RNF10: variants seen among roughly 807,000 people sequenced by gnomAD.
RNF10 encodes E3 ubiquitin-protein ligase RNF10.
A neutral mutation model predicts 91.4 loss-of-function variants in RNF10; 38 were observed. The ratio of observed to expected loss-of-function variants is 0.42; its 90% CI spans 0.32 to 0.54. RNF10 has a LOEUF of 0.54. Ranked by LOEUF, RNF10 falls within the 20% of genes least tolerant of loss-of-function variation. The pLI is 0.16. For missense variants in RNF10, 945 were observed against 1,012.0 expected (o/e 0.93, Z 0.90); for synonymous variants, 364 against 366.3 (o/e 0.99, Z 0.07).
intron 10 of RNF10, among the ~76,000 whole-genome samples, chr12:120,564,757 TCTC>T (rs1328387728): frequency 6.6e-6 from 1 of 152,218 alleles, no homozygotes; most frequent in Non-Finnish European, 1.5e-5. Flanking sequence ...AACTTTATCT[TCTC>T]TGTTCGTCCC....
In RNF10 at chr12:120,575,806, G is replaced by T; in HGVS notation, c.2215G>T (p.Val739Phe). Residue 739 changes from valine to phenylalanine, a missense_variant, in exon 16 of 17, where the codon GTT (valine) becomes TTT (phenylalanine). Physicochemically the swap from Val to Phe is conservative, Grantham distance 50 (BLOSUM62 -1). Transcript: ENST00000325954. Reference protein sequence around the residue: ...TAPKKDENSLVPPAPVDSDGE... With the variant: ...TAPKKDENSLFPPAPVDSDGE... ...GTATTTTTTAGATGAGAACAGCTTA[G>T]TTCCTCCTGCCCCTGTGGACAGCGA... 1 of 1,614,200 alleles carries T rather than the reference G, an allele frequency of 6.2e-7. No homozygotes were observed. The highest frequency in any genetic ancestry group is 8.5e-7 in the Non-Finnish European group (1 of 1,180,028).
intron 14 of RNF10, chr12:120,574,782 C>T (rs148739063): frequency 0.018 from 4,946 of 277,376 alleles, 247 homozygotes; most frequent in African/African-American, 0.1. Flanking sequence ...AAAAATTAGC[C>T]GGGCGTGGTG....
intron 1 of RNF10, among the ~76,000 whole-genome samples, chr12:120,543,540 GCCTGTAATCCC>G (rs1871873061): frequency 6.6e-6 from 1 of 152,172 alleles, no homozygotes; most frequent in African/African-American, 2.4e-5. Context: ...GATGGCTCAC[GCCTGTAATCCC>G]AGCACTTTGG....
chr12:120,559,215 T>G (rs965102269), intron 6 of RNF10, among the ~76,000 whole-genome samples: 3 of 131,958 alleles, frequency 2.3e-5, no homozygotes, highest in Non-Finnish European at 4.6e-5. Flanking sequence ...GGAGTCTTGC[T>G]GTGTTTCCCA....
chr12:120,548,454 T>C (rs1051527769), intron 2 of RNF10, among the ~76,000 whole-genome samples: 1 of 151,988 alleles, frequency 6.6e-6, no homozygotes, highest in African/African-American at 2.4e-5. Flanking sequence ...GGTGATCAGT[T>C]TTGTCAAGTG....
intron 6 of RNF10, among the ~76,000 whole-genome samples, chr12:120,559,174 CTCTTTTTTTTTTTTT>C (rs1304023456): frequency 8.6e-4 from 62 of 71,934 alleles, no homozygotes; most frequent in South Asian, 1.9e-3. Context: ...TCTTGAACTA[CTCTTTTTTTTTTTTT>C]TTTTTTTTTT....
intron 1 of RNF10, among the ~76,000 whole-genome samples, chr12:120,544,191 C>T (rs1202139690): frequency 6.6e-6 from 1 of 151,956 alleles, no homozygotes; most frequent in East Asian, 1.9e-4. Context: ...TGCGCCACTG[C>T]ACTCCAGCCT....
rs184970946 is a variant in RNF10, at chr12:120,539,111, C to T, written c.157+4143C>T. Among the ~76,000 whole-genome samples, 115 of 152,186 alleles carry T rather than the reference C, an allele frequency of 7.6e-4. 2 individuals are homozygous for T. The East Asian group carries it at 0.017, about 22-fold the overall frequency. ...AATCATAGTAAAACTGTGTGTCAGCCACTATGGTAGGCATTTTACAGAAGT... is the reference window on the plus strand; with the variant it reads ...AATCATAGTAAAACTGTGTGTCAGCTACTATGGTAGGCATTTTACAGAAGT... On this transcript the variant is annotated intron_variant, in intron 1 of 16. Transcript: ENST00000325954.
At chr12:120,556,370 TA>T (rs528528148) in intron 4 of RNF10, among the ~76,000 whole-genome samples, 83 of 143,098 alleles carry the variant, frequency 5.8e-4, no homozygotes, top group Admixed American at 8.3e-4. Flanking sequence ...CCGTCTCTAC[TA>T]AAAAAAAAAA....
intron 6 of RNF10, among the ~76,000 whole-genome samples, chr12:120,558,379 G>A (rs939433689): frequency 2.0e-5 from 3 of 151,688 alleles, no homozygotes; most frequent in Non-Finnish European, 4.4e-5. Flanking sequence ...AAATGTGTGT[G>A]TGTAATATTT....
At chr12:120,571,111 C>T (rs1876556440) in intron 13 of RNF10, 80 bp from the exon 14 acceptor site, 1 of 857,986 alleles carries the variant, frequency 1.2e-6, no homozygotes. Context: ...CCAGACCTGA[C>T]TCAGGGCTCA....
chr12:120,548,713 G>A (rs921418629), intron 2 of RNF10, among the ~76,000 whole-genome samples: 9 of 149,100 alleles, frequency 6.0e-5, no homozygotes, highest in Admixed American at 2.0e-4. Flanking sequence ...AGGCTGGAGA[G>A]CAGTGGCGCA....
In RNF10 at chr12:120,576,781, T is replaced by C; in HGVS notation, c.*115T>C. ...TATTTGAGTTTGAACAGATTAGCTC[T>C]GGGGGGAGGGGGTTTCCACAATGTG... On this transcript the variant is annotated 3_prime_UTR_variant, in exon 17 of 17. Transcript: ENST00000325954. 7.0e-7 allele frequency: 1 copy of C among 1,419,354 alleles called. No homozygotes were observed. Among genetic ancestry groups the C allele is most frequent in the Non-Finnish European group, 9.5e-7 (1 of 1,050,494 alleles). The allele number at this position is 1,419,354 out of a possible 1,614,324, so 87.9% of individuals were successfully genotyped here.
chr12:120,544,814 C>G (rs12369178), intron 1 of RNF10, among the ~76,000 whole-genome samples: 2 of 151,950 alleles, frequency 1.3e-5, no homozygotes, highest in South Asian at 2.1e-4. Context: ...TCACCTAAGC[C>G]TCTGTGTAAA....
intron 1 of RNF10, chr12:120,539,453 CTACTCTGGA>C: frequency 7.8e-7 from 1 of 1,285,738 alleles, no homozygotes; most frequent in South Asian, 1.2e-5. Flanking sequence ...TGCTTGTCAA[CTACTCTGGA>C]TGATGGGTAA....
chr12:120,558,903 G>A (rs151072838), intron 6 of RNF10, among the ~76,000 whole-genome samples: 12 of 151,082 alleles, frequency 7.9e-5, no homozygotes, highest in Admixed American at 1.3e-4. Flanking sequence ...CAGAATTTTC[G>A]TTAATGAACA....
chr12:120,546,708 A>AT (rs563493059), intron 2 of RNF10, 107 bp downstream of exon 2: 302 of 978,640 alleles, frequency 3.1e-4, no homozygotes, highest in Non-Finnish European at 4.2e-4. Context: ...AGGTAGAGGA[A>AT]TAGATAATCA....
Position 120,573,820 on chromosome 12 carries a change from C to T in RNF10, c.2143-1811C>T, listed in dbSNP as rs1337173839. The stretch of plus-strand genomic sequence containing the variant: ...GCCTTCAGCCAAGCTATTGAAGCAG[C>T]CTTTGTGAAACTGGACACACCAGCT... On this transcript the variant is annotated intron_variant, in intron 14 of 16. Transcript: ENST00000325954. 2.6e-5 allele frequency among the ~76,000 whole-genome samples: 4 copies of T among 152,280 alleles called. No individual in the cohort carries two copies. The Middle Eastern group carries it at 0.01, about 388-fold the overall frequency.
intron 1 of RNF10, among the ~76,000 whole-genome samples, chr12:120,537,965 C>T (rs1871078558): frequency 1.3e-5 from 2 of 152,200 alleles, no homozygotes; most frequent in South Asian, 4.1e-4. Flanking sequence ...AGTGCTACTA[C>T]AGCAGATACT....
Sources: allele counts gnomAD v4.1 joint callset (sites outside exome capture counted in the v4.1 genomes callset), GRCh38; gene constraint gnomAD v4.1.1; transcripts MANE v1.5; gene names NCBI Gene and HGNC (gene_info 2026-07-23, HGNC 2026-07-21).